The following OSBP2 variants were observed in gnomAD, a reference collection of about 807,000 sequenced individuals.
OSBP2 encodes the protein oxysterol binding protein 2.
OSBP2 carries 66 observed loss-of-function variants against 96.0 expected under a neutral mutation model. The ratio of observed to expected loss-of-function variants is 0.69; its 90% confidence interval spans 0.56 to 0.84. OSBP2 has a LOEUF of 0.84. Among genes scored for constraint, OSBP2 ranks in the 40% least tolerant of loss-of-function variants. The pLI, the probability that OSBP2 is intolerant of heterozygous loss-of-function variation, is 0.00. For missense variants in OSBP2, 1,038 were observed against 1,222.7 expected (o/e 0.85, Z 2.25); for synonymous variants, 525 against 520.9 (o/e 1.01, Z -0.11).
chr22:30,722,693 C>CT (rs2089571365), intron 1 of OSBP2, among the ~76,000 whole-genome samples: 1 of 149,214 alleles, frequency 6.7e-6, no homozygotes, highest in African/African-American at 2.5e-5. Flanking sequence ...TTTCTTTCCT[C>CT]TTTTTTCTTT....
At chr22:30,713,983 T>C (rs997510562) in intron 1 of OSBP2, among the ~76,000 whole-genome samples, 2 of 152,188 alleles carry the variant, frequency 1.3e-5, no homozygotes, top group Non-Finnish European at 2.9e-5. Context: ...CACCCTACAG[T>C]GCTGTAGAAC....
At chr22:30,831,497 C>G (rs1191132170) in intron 2 of OSBP2, among the ~76,000 whole-genome samples, 1 of 152,174 alleles carries the variant, frequency 6.6e-6, no homozygotes, top group East Asian at 1.9e-4. Flanking sequence ...ATCCACTGTC[C>G]TTGGTGGTTG....
intron 2 of OSBP2, among the ~76,000 whole-genome samples, chr22:30,795,321 A>T (rs2090741937): frequency 6.6e-6 from 1 of 152,026 alleles, no homozygotes; most frequent in African/African-American, 2.4e-5. Flanking sequence ...CTGTGGGTTA[A>T]TGTCTTTCAC....
rs541046511 is a variant in OSBP2 at position 30,830,548 on chromosome 22, C to T, written c.854-39881C>T. Among the ~76,000 whole-genome samples, 6 of 152,352 alleles carry T rather than the reference C, an allele frequency of 3.9e-5. No individual in the cohort carries two copies. The South Asian group carries it at 6.2e-4, about 16-fold the overall frequency. ...TACATTAGAAGCAGCATAGTTTGTA[C>T]GGGACAGGGCCCCTGGAATGTGACT... On this transcript the variant is annotated intron_variant, in intron 2 of 13. Transcript: ENST00000332585.
chr22:30,873,341 C>T (rs543950909), intron 3 of OSBP2, among the ~76,000 whole-genome samples: 1 of 152,242 alleles, frequency 6.6e-6, no homozygotes, highest in African/African-American at 2.4e-5. Context: ...CAGCCTCACC[C>T]GCACCCTGGG....
intron 2 of OSBP2, among the ~76,000 whole-genome samples, chr22:30,830,389 A>T (rs2038495933): frequency 6.6e-6 from 1 of 152,260 alleles, no homozygotes; most frequent in African/African-American, 2.4e-5. Flanking sequence ...CCACCTGGAC[A>T]GCGCCCTGGG....
chr22:30,720,817 G>A (rs1217006217), intron 1 of OSBP2, among the ~76,000 whole-genome samples: 1 of 152,216 alleles, frequency 6.6e-6, no homozygotes, highest in East Asian at 1.9e-4. Context: ...GACTGGCTTT[G>A]CCAGAGGATG....
Position 30,717,104 on chromosome 22 carries a change from G to T in OSBP2, c.644+21551G>T, listed in dbSNP as rs1405894880. ...TTTTACTGTTTTTGTGTGTGTGTGT[G>T]TGTGTGTGTGTGTGTGTGTGTGTGT... is the stretch of plus-strand genomic sequence containing the variant. On this transcript the variant is annotated intron_variant, in intron 1 of 13. Transcript: ENST00000332585. Among the ~76,000 whole-genome samples, 689 of 131,770 alleles carry T rather than the reference G, an allele frequency of 5.2e-3. 1 individual carries two copies. Among genetic ancestry groups the T allele is most frequent in the South Asian group, 0.014 (49 of 3,380 alleles). 86.4% of individuals were successfully genotyped at this position (131,770 alleles called of 152,430 possible).
At chr22:30,726,665 A>C (rs937843129) in intron 1 of OSBP2, among the ~76,000 whole-genome samples, 5 of 152,128 alleles carry the variant, frequency 3.3e-5, no homozygotes, top group African/African-American at 9.7e-5. Context: ...TAAATAAATA[A>C]ATGTAGTAAT....
intron 3 of OSBP2, among the ~76,000 whole-genome samples, chr22:30,875,283 G>A (rs926856997): frequency 1.3e-4 from 20 of 151,994 alleles, no homozygotes; most frequent in Admixed American, 5.2e-4. Context: ...GCATTAAATT[G>A]TATGGGCAAC....
intron 1 of OSBP2, among the ~76,000 whole-genome samples, chr22:30,719,161 A>G (rs1321230645): frequency 6.6e-6 from 1 of 151,692 alleles, no homozygotes; most frequent in Non-Finnish European, 1.5e-5. Context: ...CAGTCCTCTC[A>G]ACATTATCCC....
At chr22:30,791,574 G>T (rs542920005) in intron 2 of OSBP2, among the ~76,000 whole-genome samples, 2 of 152,098 alleles carry the variant, frequency 1.3e-5, no homozygotes, top group African/African-American at 4.8e-5. Context: ...TGATCCGCCC[G>T]CCTCGGCCTC....
At chr22:30,746,749 C>T (rs532352424) in intron 2 of OSBP2, among the ~76,000 whole-genome samples, 2 of 152,212 alleles carry the variant, frequency 1.3e-5, no homozygotes, top group Non-Finnish European at 2.9e-5. Flanking sequence ...GCCTTGGCCT[C>T]CCAAAGTGCT....
chr22:30,790,115 T>C (rs1443239773), intron 2 of OSBP2, among the ~76,000 whole-genome samples: 6 of 152,098 alleles, frequency 3.9e-5, no homozygotes, highest in Non-Finnish European at 8.8e-5. Flanking sequence ...ATGGGTTTTG[T>C]TGGAGTGGCC....
chr22:30,785,792 T>G (rs1201397134), intron 2 of OSBP2, among the ~76,000 whole-genome samples: 1 of 151,960 alleles, frequency 6.6e-6, no homozygotes, highest in Non-Finnish European at 1.5e-5. Context: ...CCTCATGAGA[T>G]CTGGTTGTTT....
At chr22:30,693,901 G>A (rs2088970435), upstream of OSBP2, 3 of 629,524 alleles carry the variant, frequency 4.8e-6, no homozygotes, top group Non-Finnish European at 5.5e-6. Flanking sequence ...GGAAGCGGAG[G>A]CTGCAGTGAA....
chr22:30,850,437 A>G (rs2038958177), intron 2 of OSBP2, among the ~76,000 whole-genome samples: 1 of 152,132 alleles, frequency 6.6e-6, no homozygotes, highest in Non-Finnish European at 1.5e-5. Context: ...ATAGTAAATC[A>G]TGTTAGTAGG....
intron 12 of OSBP2, chr22:30,902,642 G>A: frequency 1.6e-6 from 1 of 624,614 alleles, no homozygotes; most frequent in South Asian, 1.7e-5. Flanking sequence ...ACCGACAGAG[G>A]AGGGAAGAGC....
At chr22:30,893,277 A>C in intron 9 of OSBP2, 35 bp downstream of exon 9, 1 of 1,613,696 alleles carries the variant, frequency 6.2e-7, no homozygotes, top group Non-Finnish European at 8.5e-7. Context: ...TGGGACACAG[A>C]GACATTGTGC....
Sources: gnomAD v4.1 joint callset for allele counts (sites outside exome capture counted in the v4.1 genomes callset) on GRCh38, gnomAD v4.1.1 for gene constraint, MANE v1.5 for transcripts, NCBI Gene and HGNC (gene_info 2026-07-23, HGNC 2026-07-21) for gene names.